UBE2C: variants seen among roughly 807,000 people sequenced by gnomAD.
UBE2C encodes ubiquitin-conjugating enzyme E2 C.
A neutral mutation model predicts 23.5 loss-of-function variants in UBE2C; 16 were observed. The ratio of observed to expected loss-of-function variants is 0.68; its 90% confidence interval spans 0.46 to 1.03. UBE2C has a LOEUF of 1.03. Among genes scored for constraint, UBE2C ranks in the 50% least tolerant of loss-of-function variants. The probability of loss-of-function intolerance (pLI) is 0.00; values close to 1 mark genes in which losing one functional copy is unlikely to be tolerated. For missense variants in UBE2C, 192 were observed against 227.6 expected, an observed-to-expected ratio of 0.84 and a Z score of 1.01; for synonymous variants, 76 against 91.6, an observed-to-expected ratio of 0.83 and a Z score of 0.97.
At chr20:45,813,753 C>G (rs571361065) in intron 2 of UBE2C, among the ~76,000 whole-genome samples, 1 of 152,250 alleles carries the variant, frequency 6.6e-6, no homozygotes, top group South Asian at 2.1e-4. Context: ...AACTCCCCGC[C>G]CTTCTTGGTA....
Position 45,815,542 on chromosome 20 carries a change from T to G in UBE2C, c.218T>G (p.Val73Gly). Residue 73 changes from valine to glycine, a missense_variant and splice_region_variant, in exon 4 of 6, where the codon GTA (valine) becomes GGA (glycine). By Grantham distance (109) the Val-to-Gly change is moderately radical. Coordinates refer to ENST00000356455, the MANE Select transcript of UBE2C (RefSeq NM_007019.4). ...VGTIHGAAGT[V>G]YEDLRYKLSL... ...TGCAACTGTTTCTCCAAATGCCAGG[T>G]ATATGAAGACCTGAGGTATAAGCTC... 2 of 1,614,004 alleles carry G rather than the reference T, an allele frequency of 1.2e-6. No individual in the cohort carries two copies. The highest frequency in any genetic ancestry group is 1.1e-5 in the South Asian group (1 of 91,074).
intron 2 of UBE2C, 35 bp downstream of exon 2, chr20:45,813,499 A>T: frequency 6.2e-7 from 1 of 1,614,026 alleles, no homozygotes; most frequent in Non-Finnish European, 8.5e-7. Flanking sequence ...CCAGCCTTCC[A>T]TCCAATTTTC....
At position 45,816,720 on chromosome 20, in the gene UBE2C, T is replaced by C. The variant is rs1982596380; in HGVS notation, c.493T>C (p.Tyr165His). The C allele has an allele frequency of 6.2e-7, 1 of 1,613,666 alleles. No individual in the cohort carries two copies. Among genetic ancestry groups the C allele is most frequent in the Non-Finnish European group, 8.5e-7 (1 of 1,179,772 alleles). The change falls in exon 6 of 6, where the codon TAC (tyrosine) becomes CAC (histidine). Residue 165 changes from tyrosine (Y) to histidine (H), a missense_variant. Coordinates refer to ENST00000356455, the MANE Select transcript of UBE2C (RefSeq NM_007019.4). ...CTGTTCTCTTCCAGCTTTTAAGAAG[T>C]ACCTGCAAGAAACCTACTCAAAGCA... is the stretch of plus-strand genomic sequence containing the variant. ...LWKNPTAFKK[Y>H]LQETYSKQVT...
intron 2 of UBE2C, among the ~76,000 whole-genome samples, chr20:45,814,082 G>A (rs1328572261): frequency 6.6e-6 from 1 of 151,326 alleles, no homozygotes; most frequent in Non-Finnish European, 1.5e-5. Flanking sequence ...TAGCCTGGGC[G>A]ACAGAGTGTG....
At chr20:45,815,304 A>G in intron 3 of UBE2C, 1 of 1,411,654 alleles carries the variant, frequency 7.1e-7, no homozygotes, top group Non-Finnish European at 9.5e-7. Flanking sequence ...AGATCACATG[A>G]GCCCAGGAGT....
At position 45,814,146 on chromosome 20, in the gene UBE2C, C is replaced by CTCTCTA. The variant is rs1158772080; in HGVS notation, c.130-237_130-236insCTCTAT. Among the ~76,000 whole-genome samples the CTCTCTA allele has an allele frequency of 6.3e-4, 85 of 133,948 alleles. 1 individual carries two copies. The highest frequency in any genetic ancestry group is 2.2e-3 in the African/African-American group (80 of 36,738). The allele number at this position is 133,948 out of a possible 152,430, so 87.9% of individuals were successfully genotyped here. A position where few individuals can be genotyped will look rare whatever the true frequency, so the allele number is the denominator to read the frequency against. ...TCTCTCAATCTCTCTCTCTCTCTCT[C>CTCTCTA]TATATATATATATATGTAAATATAT... is the stretch of plus-strand genomic sequence containing the variant. On this transcript the variant is annotated intron_variant, in intron 2 of 5. Coordinates refer to ENST00000356455, the MANE Select transcript of UBE2C (RefSeq NM_007019.4).
At chr20:45,814,146 C>CTCTCTATATATATATA (rs1158772080) in intron 2 of UBE2C, among the ~76,000 whole-genome samples, 4 of 133,896 alleles carry the variant, frequency 3.0e-5, no homozygotes, top group African/African-American at 1.1e-4. Context: ...CTCTCTCTCT[C>CTCTCTATATATATATA]TATATATATA....
At chr20:45,814,510 A>G (rs1158663483) in intron 3 of UBE2C, 40 bp downstream of exon 3, 2 of 1,551,404 alleles carry the variant, frequency 1.3e-6, no homozygotes, top group South Asian at 2.3e-5. Context: ...GTCTGGGGAA[A>G]GGTGGGAAGT....
chr20:45,814,302 AAT>A (rs1982273774), intron 2 of UBE2C, 80 bp from the exon 3 acceptor site: 17 of 559,736 alleles, frequency 3.0e-5, no homozygotes, highest in African/African-American at 6.0e-5. Context: ...ATATATATAA[AAT>A]TAAGGGGAAA....
chr20:45,815,461 C>G (rs2145719368), intron 3 of UBE2C, 80 bp from the exon 4 acceptor site: 1 of 1,614,136 alleles, frequency 6.2e-7, no homozygotes, highest in East Asian at 2.2e-5. Context: ...AAGATTCTAG[C>G]AAGCCCCTTG....
At chr20:45,813,021 A>G in intron 1 of UBE2C, 6 of 1,425,946 alleles carry the variant, frequency 4.2e-6, no homozygotes, top group Non-Finnish European at 5.5e-6. Context: ...GATTCGAGAG[A>G]TGGGGGACAG....
intron 1 of UBE2C, 195 bp from the exon 2 acceptor site, chr20:45,813,242 T>G: frequency 6.8e-7 from 1 of 1,480,648 alleles, no homozygotes; most frequent in East Asian, 2.3e-5. Context: ...CCCGAGGGAG[T>G]CTGGAATTAG....
At chr20:45,815,344 C>T (rs1319632967) in intron 3 of UBE2C, 197 bp from the exon 4 acceptor site, 1 of 1,547,806 alleles carries the variant, frequency 6.5e-7, no homozygotes, top group Non-Finnish European at 8.7e-7. Flanking sequence ...CATGGTGAAA[C>T]CCTGTCTCTA....
chr20:45,812,868 A>G, intron 1 of UBE2C, 72 bp downstream of exon 1: 1 of 1,484,784 alleles, frequency 6.7e-7, no homozygotes, highest in Middle Eastern at 1.8e-4. Context: ...AAAGATTTCT[A>G]GGACCACCCC....
intron 1 of UBE2C, 180 bp from the exon 2 acceptor site, chr20:45,813,257 G>A: frequency 1.3e-6 from 2 of 1,503,018 alleles, no homozygotes; most frequent in Non-Finnish European, 1.8e-6. Context: ...AATTAGGGAG[G>A]GTGAGGACTC....
intron 2 of UBE2C, 60 bp from the exon 3 acceptor site, chr20:45,814,324 C>T: frequency 6.8e-6 from 8 of 1,179,288 alleles, no homozygotes; most frequent in Non-Finnish European, 9.6e-6. Flanking sequence ...AGCTCACCCA[C>T]TGACCTTTGC....
intron 1 of UBE2C, 167 bp downstream of exon 1, chr20:45,812,963 G>T (rs1982064786): frequency 1.4e-6 from 2 of 1,431,912 alleles, no homozygotes; most frequent in South Asian, 1.5e-5. Flanking sequence ...CTGGGCATGG[G>T]TGTCGAGGGC....
chr20:45,814,385 T>A lies in UBE2C; in HGVS notation c.131T>A (p.Met44Lys). The change falls in exon 3 of 6, where the codon ATG (methionine) becomes AAG (lysine). Residue 44 changes from methionine (M) to lysine (K), a missense_variant and splice_region_variant. By Grantham distance (95) the Met-to-Lys change is moderately conservative (BLOSUM62 -1). Transcript: ENST00000356455. ...RLQQELMTLMMSGDKGISAFP... is the reference protein window; with the variant it reads ...RLQQELMTLMKSGDKGISAFP... ...CCAACAAATGTGTTTTCTCCCCAGATGTCTGGCGATAAAGGGATTTCTGCC... is the reference window on the plus strand; with the variant it reads ...CCAACAAATGTGTTTTCTCCCCAGAAGTCTGGCGATAAAGGGATTTCTGCC... 1 of 1,604,474 alleles carries A rather than the reference T, an allele frequency of 6.2e-7. No homozygotes were observed.
At chr20:45,814,995 G>A (rs112244940) in intron 3 of UBE2C, among the ~76,000 whole-genome samples, 8,568 of 151,162 alleles carry the variant, frequency 0.057, 239 homozygotes, top group Middle Eastern at 0.099. Flanking sequence ...CCGCCACCAC[G>A]CCCGGCTAAT....
Sources: gnomAD v4.1 joint callset for allele counts (sites outside exome capture counted in the v4.1 genomes callset) on GRCh38, gnomAD v4.1.1 for gene constraint, MANE v1.5 for transcripts, NCBI Gene and HGNC (gene_info 2026-07-23, HGNC 2026-07-21) for gene names.